FNIP2: variants seen among roughly 807,000 people sequenced by gnomAD.
FNIP2 encodes the protein folliculin interacting protein 2.
FNIP2 carries 32 observed loss-of-function variants against 108.7 expected under a neutral mutation model. The ratio of observed to expected loss-of-function variants is 0.29; its 90% CI spans 0.22 to 0.40. The LOEUF is 0.40. Among genes scored for constraint, FNIP2 ranks in the 10% least tolerant of loss-of-function variants. The pLI, the probability that FNIP2 is intolerant of heterozygous loss-of-function variation, is 1.00. For missense variants in FNIP2, 1,202 were observed against 1,381.6 expected, an observed-to-expected ratio of 0.87 and a Z score of 2.06; for synonymous variants, 480 against 496.7, an observed-to-expected ratio of 0.97 and a Z score of 0.45.
At chr4:158,828,233 T>G (rs1339722233) in intron 2 of FNIP2, among the ~76,000 whole-genome samples, 1 of 152,210 alleles carries the variant, frequency 6.6e-6, no homozygotes, top group Admixed American at 6.5e-5. Context: ...AGCTCCTGTT[T>G]CAGGGTTTTG....
chr4:158,780,907 C>T (rs2126420973), intron 1 of FNIP2, among the ~76,000 whole-genome samples: 1 of 152,014 alleles, frequency 6.6e-6, no homozygotes, highest in South Asian at 2.1e-4. Flanking sequence ...TGGTGGCGTG[C>T]ACCTGTAGTC....
chr4:158,777,323 CAA>C (rs957246571), intron 1 of FNIP2, among the ~76,000 whole-genome samples: 3 of 152,078 alleles, frequency 2.0e-5, no homozygotes, highest in Non-Finnish European at 4.4e-5. Flanking sequence ...ATTGTGAAAA[CAA>C]TATTGATATT....
At chr4:158,790,512 G>A (rs904008203) in intron 1 of FNIP2, among the ~76,000 whole-genome samples, 4 of 152,110 alleles carry the variant, frequency 2.6e-5, no homozygotes, top group African/African-American at 9.7e-5. Context: ...CAGCATTTTG[G>A]GAGGTGAGGC....
In FNIP2 at chr4:158,868,607, A is replaced by G; in HGVS notation, c.1971A>G (p.Ala657=). The G allele has an allele frequency of 6.2e-7, 1 of 1,613,868 alleles. No individual in the cohort carries two copies. The highest frequency in any genetic ancestry group is 8.5e-7 in the Non-Finnish European group (1 of 1,179,808). ...GTGGGGATGAGAAAAATAAAGAGGC[A>G]CCGCAAGATGGCTCTTCAAGACTTC... The part of the protein sequence containing the change: ...AFCGDEKNKE[A]PQDGSSRLPS... The change falls in exon 13 of 17, where the codon GCA becomes GCG. Residue 657 remains alanine, a synonymous_variant. Coordinates refer to ENST00000264433, the MANE Select transcript of FNIP2 (RefSeq NM_020840.3). This position sits in a 1 kb window ranked among gnomAD's most constrained non-coding sequence, Gnocchi z 4.6.
At chr4:158,851,240 A>G in intron 7 of FNIP2, 81 bp from the exon 8 acceptor site, 1 of 1,474,164 alleles carries the variant, frequency 6.8e-7, no homozygotes, top group Non-Finnish European at 9.4e-7. Flanking sequence ...GTGATATTAA[A>G]TACATTCTTA....
chr4:158,876,098 TATC>T (rs769485599), intron 14 of FNIP2, among the ~76,000 whole-genome samples: 1 of 152,220 alleles, frequency 6.6e-6, no homozygotes, highest in Non-Finnish European at 1.5e-5. Flanking sequence ...ATGTATTTCT[TATC>T]ATGGATTGTG....
intron 16 of FNIP2, among the ~76,000 whole-genome samples, chr4:158,903,688 A>G (rs1729561829): frequency 6.6e-6 from 1 of 152,190 alleles, no homozygotes; most frequent in South Asian, 2.1e-4. Context: ...ATCTGTATGT[A>G]GCATTACTGG....
At chr4:158,898,569 T>C (rs1364433435) in intron 16 of FNIP2, among the ~76,000 whole-genome samples, 1 of 152,194 alleles carries the variant, frequency 6.6e-6, no homozygotes, top group African/African-American at 2.4e-5. Flanking sequence ...TTGTAAGTTA[T>C]ATTACTAGGT....
chr4:158,882,858 G>GCGGAAGGC (rs1560829914), intron 14 of FNIP2, among the ~76,000 whole-genome samples: 1 of 152,052 alleles, frequency 6.6e-6, no homozygotes, highest in Admixed American at 6.6e-5. Flanking sequence ...CACAAATACT[G>GCGGAAGGC]CGGAAGGCCG....
chr4:158,784,625 A>G (rs1321340131), intron 1 of FNIP2, among the ~76,000 whole-genome samples: 1 of 152,228 alleles, frequency 6.6e-6, no homozygotes, highest in Non-Finnish European at 1.5e-5. Flanking sequence ...ATCATCAGAC[A>G]TTAGATTCTC....
intron 14 of FNIP2, among the ~76,000 whole-genome samples, chr4:158,876,498 C>T (rs1781290639): frequency 6.6e-6 from 1 of 152,198 alleles, no homozygotes; most frequent in South Asian, 2.1e-4. Flanking sequence ...TCAGATTATG[C>T]TTTCTTTGCC....
intron 7 of FNIP2, chr4:158,835,719 T>G (rs1778759840): frequency 3.6e-6 from 1 of 281,516 alleles, no homozygotes; most frequent in Non-Finnish European, 6.9e-6. Context: ...GTTAAGAAAT[T>G]TCTTTCCAGA....
chr4:158,781,045 A>G (rs1776028775), intron 1 of FNIP2, among the ~76,000 whole-genome samples: 2 of 151,982 alleles, frequency 1.3e-5, no homozygotes, highest in Admixed American at 1.3e-4. Flanking sequence ...AAAAAAAAAA[A>G]AAAAAGAAAA....
At chr4:158,815,407 G>C (rs1304864410) in intron 1 of FNIP2, among the ~76,000 whole-genome samples, 6 of 148,398 alleles carry the variant, frequency 4.0e-5, no homozygotes, top group Non-Finnish European at 8.9e-5. Context: ...TTTTGAGACG[G>C]AGTCTTGCTC....
chr4:158,843,929 C>G (rs954556434), intron 7 of FNIP2, among the ~76,000 whole-genome samples: 2 of 152,126 alleles, frequency 1.3e-5, no homozygotes, highest in African/African-American at 4.8e-5. Flanking sequence ...AGGGTCCTGC[C>G]CTGATCATTT....
chr4:158,875,537 T>C (rs947756308), intron 14 of FNIP2, among the ~76,000 whole-genome samples: 1 of 112,726 alleles, frequency 8.9e-6, no homozygotes, highest in African/African-American at 3.1e-5. Context: ...TATATATATA[T>C]ATATGCTCAT....
intron 14 of FNIP2, among the ~76,000 whole-genome samples, chr4:158,881,058 A>G (rs1323648099): frequency 6.6e-6 from 1 of 152,198 alleles, no homozygotes; most frequent in Non-Finnish European, 1.5e-5. Context: ...GTGGAAAGGT[A>G]TTTTGTCATG....
At chr4:158,843,194 C>G (rs1428298827) in intron 7 of FNIP2, among the ~76,000 whole-genome samples, 2 of 152,164 alleles carry the variant, frequency 1.3e-5, no homozygotes, top group African/African-American at 4.8e-5. Flanking sequence ...GCCATACTAT[C>G]ACTTATGCCA....
intron 1 of FNIP2, among the ~76,000 whole-genome samples, chr4:158,825,427 G>A (rs541200573): frequency 3.8e-4 from 58 of 152,310 alleles, no homozygotes; most frequent in Non-Finnish European, 5.9e-4. Flanking sequence ...AAATTTTAGG[G>A]TATGTAATTC....
Sources: allele counts gnomAD v4.1 joint callset (sites outside exome capture counted in the v4.1 genomes callset), GRCh38; gene constraint gnomAD v4.1.1; non-coding constraint Gnocchi (gnomAD v3.1); transcripts MANE v1.5; gene names NCBI Gene and HGNC (gene_info 2026-07-23, HGNC 2026-07-21).